KIRREL3: variants seen among roughly 807,000 people sequenced by gnomAD.
KIRREL3 encodes kirre like nephrin family adhesion molecule 3, also known as kin of IRRE-like protein 3.
A neutral mutation model predicts 89.7 loss-of-function variants in KIRREL3; 36 were observed. The observed-to-expected ratio is 0.40, with a 90% CI of 0.31 to 0.53. KIRREL3 has a LOEUF of 0.53. KIRREL3 is among the 20% of genes least tolerant of loss of function. KIRREL3 has a pLI of 0.49. For missense variants in KIRREL3, 864 were observed against 1,056.6 expected, an observed-to-expected ratio of 0.82 and a Z score of 2.53; for synonymous variants, 445 against 441.4, an observed-to-expected ratio of 1.01 and a Z score of -0.10.
rs76610441 is a variant in KIRREL3, at chr11:126,630,030, C to T, written c.56-67118G>A. Among the ~76,000 whole-genome samples, 119 of 152,334 alleles carry T rather than the reference C, an allele frequency of 7.8e-4. 1 individual carries two copies. In the East Asian group the frequency reaches 0.02, roughly 26 times the overall value. ...CTGTTCTTTTCCAGACTGGTTCCTT[C>T]GCACCAGACACATGGTCAGAGGGGA... On this transcript the variant is annotated intron_variant, in intron 1 of 16. Coordinates refer to ENST00000525144, the MANE Select transcript of KIRREL3 (RefSeq NM_032531.4).
intron 1 of KIRREL3, among the ~76,000 whole-genome samples, chr11:126,957,197 C>G (rs570604458): frequency 6.6e-6 from 1 of 152,202 alleles, no homozygotes; most frequent in African/African-American, 2.4e-5. Context: ...CATCACAAGG[C>G]TCAAATGCTC....
In KIRREL3 at chr11:126,564,756, T is replaced by G. The variant is rs1940392043; in HGVS notation, c.56-1844A>C. Among the ~76,000 whole-genome samples, 1 of 152,146 alleles carries G rather than the reference T, an allele frequency of 6.6e-6. No individual in the cohort carries two copies. On this transcript the variant is annotated intron_variant, in intron 1 of 16. Coordinates refer to ENST00000525144, the MANE Select transcript of KIRREL3 (RefSeq NM_032531.4). This position sits in a 1 kb window ranked among gnomAD's most constrained non-coding sequence, Gnocchi z 7.4. ...TGTGGATTCTTTCTAACAACCACCT[T>G]CAAGAGGCAGGAATGCAGCCTTCCA...
rs1488584988 is a variant in KIRREL3 at position 126,655,363 on chromosome 11, C to T, written c.56-92451G>A. Among the ~76,000 whole-genome samples, 1 of 152,172 alleles carries T rather than the reference C, an allele frequency of 6.6e-6. No homozygotes were observed. The highest frequency in any genetic ancestry group is 1.9e-4 in the East Asian group (1 of 5,190). ...TTGCCAAGGTGCTAACTGCCTGAATCCTCGGTGGGTTTGCACAGCTCTCTG... is the reference window on the plus strand; with the variant it reads ...TTGCCAAGGTGCTAACTGCCTGAATTCTCGGTGGGTTTGCACAGCTCTCTG... On this transcript the variant is annotated intron_variant, in intron 1 of 16. Transcript: ENST00000525144. This position sits in a 1 kb window ranked among gnomAD's most constrained non-coding sequence, Gnocchi z 5.0.
At position 126,696,742 on chromosome 11, in the gene KIRREL3, C is replaced by G. The variant is rs978183946; in HGVS notation, c.56-133830G>C. On this transcript the variant is annotated intron_variant, in intron 1 of 16. Transcript: ENST00000525144. This position sits in a 1 kb window ranked among gnomAD's most constrained non-coding sequence, Gnocchi z 4.4. ...CAAAGCCACACCGTCTTCCTGCAGG[C>G]ACCGCCAGTGGACACACCGAACACC... Among the ~76,000 whole-genome samples, 4 of 152,314 alleles carry G rather than the reference C, an allele frequency of 2.6e-5. No individual in the cohort carries two copies. In the South Asian group the frequency reaches 6.2e-4, roughly 24 times the overall value.
In KIRREL3 at chr11:126,529,091, C is replaced by T. The variant is rs11827864; in HGVS notation, c.134-2404G>A. On this transcript the variant is annotated intron_variant, in intron 2 of 16. Transcript: ENST00000525144. ...CAGTGCCCGAGCCCTCTGAGATGTC[C>T]ATTATTAGGAAGCACCCACAGTGGG... Among the ~76,000 whole-genome samples, 683 of 152,220 alleles carry T rather than the reference C, an allele frequency of 4.5e-3. 5 individuals are homozygous for T. Among genetic ancestry groups the T allele is most frequent in the African/African-American group, 0.016 (645 of 41,528 alleles).
At position 126,739,474 on chromosome 11, in the gene KIRREL3, A is replaced by G. The variant is rs1468633541; in HGVS notation, c.56-176562T>C. ...TTGAGTAGTATTTGCTCTGTCAGTC[A>G]GTGTGCCAGGTGCAGGTAGCGTCAT... On this transcript the variant is annotated intron_variant, in intron 1 of 16. Coordinates refer to ENST00000525144, the MANE Select transcript of KIRREL3 (RefSeq NM_032531.4). The surrounding 1 kb of genome is among the most constrained non-coding windows in gnomAD (Gnocchi z 5.5). 6.6e-6 allele frequency among the ~76,000 whole-genome samples: 1 copy of G among 152,234 alleles called. No homozygotes were observed. Among genetic ancestry groups the G allele is most frequent in the Non-Finnish European group, 1.5e-5 (1 of 68,040 alleles).
rs1379297862 is a variant in KIRREL3 at position 126,954,679 on chromosome 11, A to G, written c.55+45776T>C. Among the ~76,000 whole-genome samples, 1 of 152,152 alleles carries G rather than the reference A, an allele frequency of 6.6e-6. No homozygotes were observed. Among genetic ancestry groups the G allele is most frequent in the Non-Finnish European group, 1.5e-5 (1 of 68,014 alleles). ...AACCTAGGAAGCACCCTTAGAGGTCATCTAGTAGAATATCACAGGCAGTTC... is the reference window on the plus strand; with the variant it reads ...AACCTAGGAAGCACCCTTAGAGGTCGTCTAGTAGAATATCACAGGCAGTTC... On this transcript the variant is annotated intron_variant, in intron 1 of 16. Transcript: ENST00000525144. The surrounding 1 kb of genome is among the most constrained non-coding windows in gnomAD (Gnocchi z 4.1).
At chr11:126,573,447 C>T (rs1195683258) in intron 1 of KIRREL3, among the ~76,000 whole-genome samples, 1 of 152,108 alleles carries the variant, frequency 6.6e-6, no homozygotes, top group Non-Finnish European at 1.5e-5. Flanking sequence ...CAAGCCCAGG[C>T]AGCTACCCGC....
rs960571847 is a variant in KIRREL3, at chr11:126,983,094, C to A, written c.55+17361G>T. On this transcript the variant is annotated intron_variant, in intron 1 of 16. Coordinates refer to ENST00000525144, the MANE Select transcript of KIRREL3 (RefSeq NM_032531.4). This position sits in a 1 kb window ranked among gnomAD's most constrained non-coding sequence, Gnocchi z 4.9. ...ATGATATTATAATAACCATTTTGTA[C>A]TAAGCACCTATTATTTGATAATCCC... is the stretch of plus-strand genomic sequence containing the variant. Among the ~76,000 whole-genome samples the A allele has an allele frequency of 6.6e-6, 1 of 152,158 alleles. No individual in the cohort carries two copies. The highest frequency in any genetic ancestry group is 2.4e-5 in the African/African-American group (1 of 41,432).
chr11:126,632,580 C>T lies in KIRREL3; in HGVS notation c.56-69668G>A, dbSNP rs1304729303. On this transcript the variant is annotated intron_variant, in intron 1 of 16. Transcript: ENST00000525144. ...CACTCGTAAGTAATTGTGACTGACA[C>T]ATTGGCAATAACACAGATTGCCTTC... 2.0e-5 allele frequency among the ~76,000 whole-genome samples: 3 copies of T among 152,204 alleles called. 1 individual carries two copies. The highest frequency in any genetic ancestry group is 2.9e-5 in the Non-Finnish European group (2 of 68,046).
At position 126,896,235 on chromosome 11, in the gene KIRREL3, T is replaced by C. The variant is rs920001482; in HGVS notation, c.55+104220A>G. On this transcript the variant is annotated intron_variant, in intron 1 of 16. Coordinates refer to ENST00000525144, the MANE Select transcript of KIRREL3 (RefSeq NM_032531.4). The surrounding 1 kb of genome is among the most constrained non-coding windows in gnomAD (Gnocchi z 4.1). ...CTCTGTGAGTTCTCTAATCCACTGC[T>C]AGGCAGTAGGATACCTAAGAAACTA... is the stretch of plus-strand genomic sequence containing the variant. Among the ~76,000 whole-genome samples the C allele has an allele frequency of 6.6e-6, 1 of 152,250 alleles. No individual in the cohort carries two copies. The highest frequency in any genetic ancestry group is 1.5e-5 in the Non-Finnish European group (1 of 68,042).
intron 4 of KIRREL3, among the ~76,000 whole-genome samples, chr11:126,518,404 G>C (rs1456007059): frequency 6.6e-6 from 1 of 152,186 alleles, no homozygotes; most frequent in East Asian, 1.9e-4. Context: ...GAAGACCCCC[G>C]GGGGCCTCCC....
At chr11:126,880,270 C>T (rs925905202) in intron 1 of KIRREL3, among the ~76,000 whole-genome samples, 3 of 152,126 alleles carry the variant, frequency 2.0e-5, no homozygotes, top group African/African-American at 4.8e-5. Context: ...GGGGACTCTT[C>T]GACAACTGTT....
rs555351254 is a variant in KIRREL3, at chr11:126,501,004, C to T, written c.433+20311G>A. ...GCGGATCCCAAATGTCAGCCTTTCC[C>T]CTTCTGACGCCCTCCACCCGCTGCC... On this transcript the variant is annotated intron_variant, in intron 4 of 16. Coordinates refer to ENST00000525144, the MANE Select transcript of KIRREL3 (RefSeq NM_032531.4). This position sits in a 1 kb window ranked among gnomAD's most constrained non-coding sequence, Gnocchi z 5.8. Among the ~76,000 whole-genome samples the T allele has an allele frequency of 2.2e-4, 34 of 152,362 alleles. No homozygotes were observed. The South Asian group carries it at 5.0e-3, about 22-fold the overall frequency.
chr11:126,467,772 TGCATCCAGCCTTGA>T (rs367824120), intron 5 of KIRREL3, among the ~76,000 whole-genome samples: 19 of 152,270 alleles, frequency 1.2e-4, no homozygotes, highest in African/African-American at 4.3e-4. Context: ...CCCCAGTCCC[TGCATCCAGCCTTGA>T]GGCCAGAGGC....
rs1459201664 is a variant in KIRREL3, at chr11:126,830,735, C to T, written c.55+169720G>A. 6.6e-6 allele frequency among the ~76,000 whole-genome samples: 1 copy of T among 152,168 alleles called. No homozygotes were observed. Among genetic ancestry groups the T allele is most frequent in the Non-Finnish European group, 1.5e-5 (1 of 68,032 alleles). ...AGCATAGCAGCTGAATGTGAAAGCT[C>T]TTGAAATGATTTCTTCTCAAATAGT... is the stretch of plus-strand genomic sequence containing the variant. On this transcript the variant is annotated intron_variant, in intron 1 of 16. Transcript: ENST00000525144. This position sits in a 1 kb window ranked among gnomAD's most constrained non-coding sequence, Gnocchi z 4.9.
rs1946642362 is a variant in KIRREL3 at position 126,685,817 on chromosome 11, C to T, written c.56-122905G>A. On this transcript the variant is annotated intron_variant, in intron 1 of 16. Transcript: ENST00000525144. This position sits in a 1 kb window ranked among gnomAD's most constrained non-coding sequence, Gnocchi z 5.5. ...CATTCAGTGATGTTTGCCAGAGTGGCTCCACGCCCCTTGGGGGCAGATGGC... is the reference window on the plus strand; with the variant it reads ...CATTCAGTGATGTTTGCCAGAGTGGTTCCACGCCCCTTGGGGGCAGATGGC... Among the ~76,000 whole-genome samples, 1 of 152,264 alleles carries T rather than the reference C, an allele frequency of 6.6e-6. No homozygotes were observed. Among genetic ancestry groups the T allele is most frequent in the African/African-American group, 2.4e-5 (1 of 41,474 alleles).
intron 2 of KIRREL3, among the ~76,000 whole-genome samples, chr11:126,540,055 T>C (rs1056588901): frequency 6.6e-6 from 1 of 152,144 alleles, no homozygotes; most frequent in Non-Finnish European, 1.5e-5. Context: ...CCTAATCTTC[T>C]CCCTTTAGAC....
chr11:126,678,673 ATC>A (rs1946313011), intron 1 of KIRREL3, among the ~76,000 whole-genome samples: 2 of 151,098 alleles, frequency 1.3e-5, no homozygotes, highest in Non-Finnish European at 2.9e-5. Flanking sequence ...GAGGAGTCAG[ATC>A]CCTTGCTGGT....
Sources: allele counts gnomAD v4.1 joint callset (sites outside exome capture counted in the v4.1 genomes callset), GRCh38; gene constraint gnomAD v4.1.1; non-coding constraint Gnocchi (gnomAD v3.1); transcripts MANE v1.5; gene names NCBI Gene and HGNC (gene_info 2026-07-23, HGNC 2026-07-21).